The following WDR27 variants were observed in gnomAD, a reference collection of about 807,000 sequenced individuals.
WDR27 encodes WD repeat domain 27.
Under a neutral mutation model 114.4 loss-of-function variants are expected in WDR27, and 100 were observed. The ratio of observed to expected loss-of-function variants is 0.87; its 90% CI spans 0.74 to 1.03. The LOEUF is 1.03. Among genes scored for constraint, WDR27 ranks in the 50% least tolerant of loss-of-function variants. The probability of loss-of-function intolerance (pLI) is 0.00; values close to 1 mark genes in which losing one functional copy is unlikely to be tolerated. For synonymous variants in WDR27, 449 were observed against 423.1 expected (o/e 1.06, Z -0.75); for missense variants, 1,129 against 1,092.9 (o/e 1.03, Z -0.47).
At chr6:169,697,935 G>A (rs999267332) in intron 1 of WDR27, among the ~76,000 whole-genome samples, 5 of 152,118 alleles carry the variant, frequency 3.3e-5, no homozygotes, top group Admixed American at 6.5e-5. Flanking sequence ...ACTCGTCCCC[G>A]CGCACGGGGA....
At position 169,667,179 on chromosome 6, in the gene WDR27, G is replaced by A. The variant is rs116822367; in HGVS notation, c.669C>T (p.Asp223=). The change falls in exon 6 of 26, where the codon GAC becomes GAT. Residue 223 remains aspartate (D), a synonymous_variant. Transcript: ENST00000448612. The part of the protein sequence containing the change: ...ASEDRGFKVW[D]HCTGSLIYSS... ...TGTATATTAATGATCCTGTACAATG[G>A]TCCCAGACCTTTGGATAAACACAGG... is the stretch of plus-strand genomic sequence containing the variant. The A allele has an allele frequency of 1.1e-3, 1,712 of 1,521,210 alleles. 20 individuals carry two copies. The African/African-American group carries it at 0.021, about 18-fold the overall frequency. The allele number at this position is 1,521,210 out of a possible 1,614,324, so 94.2% of individuals were successfully genotyped here. A position where few individuals can be genotyped will look rare whatever the true frequency, so the allele number is the denominator to read the frequency against.
the WDR27 span, among the ~76,000 whole-genome samples, chr6:169,428,957 C>T: frequency 1.4e-4 from 21 of 152,190 alleles, no homozygotes; most frequent in African/African-American, 4.8e-4. Flanking sequence ...GGAAATGGAG[C>T]TTGCACCACA....
At position 169,553,155 on chromosome 6, in the gene WDR27, G is replaced by A. The variant is rs187355458; in HGVS notation, c.2645+19264C>T. Among the ~76,000 whole-genome samples the A allele has an allele frequency of 2.8e-3, 425 of 151,464 alleles. 7 individuals are homozygous for A. Among genetic ancestry groups the A allele is most frequent in the Non-Finnish European group, 5.0e-3 (342 of 67,844 alleles). On this transcript the variant is annotated intron_variant, in intron 25 of 25. Transcript: ENST00000448612. Reference sequence around the variant, plus strand: ...CCATCAGAGAGACCAGAGCACTGTGGGACAGCAGCATCCACAGGGACTGCG... The same window carrying A: ...CCATCAGAGAGACCAGAGCACTGTGAGACAGCAGCATCCACAGGGACTGCG...
the WDR27 span, among the ~76,000 whole-genome samples, chr6:169,439,453 T>C: frequency 2.0e-5 from 3 of 152,176 alleles, no homozygotes; most frequent in Admixed American, 2.0e-4. Flanking sequence ...ATAAAAAAGA[T>C]TCTAGCAAGT....
rs1818233738 is a variant in WDR27 at position 169,638,340 on chromosome 6, A to AAGAAAG, written c.1869+198_1869+199insCTTTCT. On this transcript the variant is annotated intron_variant, in intron 18 of 25. Coordinates refer to ENST00000448612, the MANE Select transcript of WDR27 (RefSeq NM_182552.5). ...TCCGTCTCAAAAAAAAAAAAAAAAA[A>AAGAAAG]AAAAAAAAAAAGAAACTAATCAATA... Among the ~76,000 whole-genome samples the AAGAAAG allele has an allele frequency of 2.1e-5, 3 of 140,054 alleles. No homozygotes were observed. In the South Asian group the frequency reaches 7.2e-4, roughly 34 times the overall value. 91.9% of individuals were successfully genotyped at this position (140,054 alleles called of 152,430 possible). A position where few individuals can be genotyped will look rare whatever the true frequency, so the allele number is the denominator to read the frequency against.
chr6:169,577,868 C>T (rs1352365367), intron 24 of WDR27, among the ~76,000 whole-genome samples: 3 of 152,206 alleles, frequency 2.0e-5, no homozygotes, highest in African/African-American at 7.2e-5. Flanking sequence ...ACTCTTACCC[C>T]ATTCTCAGGC....
At chr6:169,571,047 A>G (rs1034824760) in intron 25 of WDR27, among the ~76,000 whole-genome samples, 4 of 152,190 alleles carry the variant, frequency 2.6e-5, no homozygotes, top group African/African-American at 9.7e-5. Context: ...GAAATAGTGC[A>G]ATCTTGCTCC....
chr6:169,491,724 G>A (rs1789791977), intron 25 of WDR27, among the ~76,000 whole-genome samples: 1 of 152,128 alleles, frequency 6.6e-6, no homozygotes, highest in East Asian at 1.9e-4. Flanking sequence ...CTAATGATGT[G>A]TGCTGGGACC....
intron 25 of WDR27, among the ~76,000 whole-genome samples, chr6:169,543,680 G>T (rs1397279627): frequency 6.6e-6 from 1 of 152,056 alleles, no homozygotes; most frequent in Admixed American, 6.6e-5. Flanking sequence ...GGTTGGGAAA[G>T]GAAGAAGTAT....
chr6:169,679,626 C>A (rs1364090240), intron 2 of WDR27, among the ~76,000 whole-genome samples: 1 of 152,156 alleles, frequency 6.6e-6, no homozygotes. Flanking sequence ...ACCACTTGTT[C>A]CTGTTTTCAC....
At position 169,550,153 on chromosome 6, in the gene WDR27, A is replaced by G. The variant is rs374618990; in HGVS notation, c.2645+22266T>C. On this transcript the variant is annotated intron_variant, in intron 25 of 25. Coordinates refer to ENST00000448612, the MANE Select transcript of WDR27 (RefSeq NM_182552.5). Reference sequence around the variant, plus strand: ...GGGAAATCTCCATACTTTCCTCACAATTTTGCTGTGAACCTAAAACTGCTC... The same window carrying G: ...GGGAAATCTCCATACTTTCCTCACAGTTTTGCTGTGAACCTAAAACTGCTC... Among the ~76,000 whole-genome samples, 22 of 152,286 alleles carry G rather than the reference A, an allele frequency of 1.4e-4. No homozygotes were observed. The East Asian group carries it at 3.5e-3, about 24-fold the overall frequency.
At chr6:169,546,861 C>T (rs190028927) in intron 25 of WDR27, among the ~76,000 whole-genome samples, 2 of 152,248 alleles carry the variant, frequency 1.3e-5, no homozygotes, top group East Asian at 3.9e-4. Flanking sequence ...CTCACAGGGC[C>T]TCCTTAGTTT....
chr6:169,514,548 A>AT (rs71008098), intron 25 of WDR27, among the ~76,000 whole-genome samples: 127,743 of 146,622 alleles, frequency 0.87, 56,724 homozygotes, highest in Non-Finnish European at 0.93. Context: ...TTGGGGGAAA[A>AT]ATATATATAT....
chr6:169,667,968 C>G lies in WDR27; in HGVS notation c.660+14G>C, dbSNP rs779658310. On this transcript the variant is annotated intron_variant, in intron 5 of 25. Coordinates refer to ENST00000448612, the MANE Select transcript of WDR27 (RefSeq NM_182552.5). ...CGTGCCACGCGGGAACGCCATCCAGCGTCCATCCCTCACCTTAAAGCCTCT... is the reference window on the plus strand; with the variant it reads ...CGTGCCACGCGGGAACGCCATCCAGGGTCCATCCCTCACCTTAAAGCCTCT... 8 of 1,606,168 alleles carry G rather than the reference C, an allele frequency of 5.0e-6. No homozygotes were observed. Among genetic ancestry groups the G allele is most frequent in the Admixed American group, 1.7e-5 (1 of 58,962 alleles).
At chr6:169,625,599 G>A (rs912250995) in intron 21 of WDR27, among the ~76,000 whole-genome samples, 4 of 152,246 alleles carry the variant, frequency 2.6e-5, no homozygotes, top group Admixed American at 1.3e-4. Context: ...GTGTCTCAGA[G>A]TCAGCCCCGT....
rs1180569768 is a variant in WDR27 at position 169,688,960 on chromosome 6, T to C, written c.46A>G (p.Ser16Gly). The change falls in exon 2 of 26, where the codon AGT becomes GGT. Residue 16 changes from serine (S) to glycine (G), a missense_variant. Transcript: ENST00000448612. ...AGGTATTTTTCTATAACTATATCACTTAGACAGCCACCATTACTTGAGAAA... is the reference window on the plus strand; with the variant it reads ...AGGTATTTTTCTATAACTATATCACCTAGACAGCCACCATTACTTGAGAAA... ...DIFSSNGGCL[S>G]DIVIEKYLVE... 2 of 1,613,100 alleles carry C rather than the reference T, an allele frequency of 1.2e-6. No individual in the cohort carries two copies. The highest frequency in any genetic ancestry group is 1.3e-5 in the African/African-American group (1 of 74,906).
At chr6:169,549,749 T>C (rs974212611) in intron 25 of WDR27, among the ~76,000 whole-genome samples, 22 of 152,208 alleles carry the variant, frequency 1.4e-4, no homozygotes, top group African/African-American at 5.3e-4. Flanking sequence ...AAACACATGC[T>C]ATGCAGAGAA....
At chr6:169,490,345 AGT>A (rs1263425153) in intron 25 of WDR27, among the ~76,000 whole-genome samples, 5 of 152,222 alleles carry the variant, frequency 3.3e-5, no homozygotes, top group African/African-American at 9.6e-5. Context: ...ACACTGTGCC[AGT>A]GTGTTTCTAA....
At position 169,659,346 on chromosome 6, in the gene WDR27, A is replaced by C; in HGVS notation, c.1197+105T>G. On this transcript the variant is annotated intron_variant, in intron 11 of 25. Coordinates refer to ENST00000448612, the MANE Select transcript of WDR27 (RefSeq NM_182552.5). The surrounding 1 kb of genome is among the most constrained non-coding windows in gnomAD (Gnocchi z 4.3). ...CCTGTCACTCCTAAAACGTTTTTAC[A>C]CACAAAATCCCGTTTACTCAGCCAG... 6.4e-7 allele frequency: 1 copy of C among 1,573,872 alleles called. No homozygotes were observed. Among genetic ancestry groups the C allele is most frequent in the South Asian group, 1.1e-5 (1 of 87,140 alleles).
Sources: gnomAD v4.1 joint callset for allele counts (sites outside exome capture counted in the v4.1 genomes callset) on GRCh38, gnomAD v4.1.1 for gene constraint, Gnocchi (gnomAD v3.1) non-coding constraint, MANE v1.5 for transcripts, NCBI Gene and HGNC (gene_info 2026-07-23, HGNC 2026-07-21) for gene names.